HK3: variants seen among roughly 807,000 people sequenced by gnomAD.
HK3 encodes hexokinase-3.
In HK3, 93 loss-of-function variants were observed where a neutral mutation model predicts 91.0. The observed-to-expected ratio is 1.02, with a 90% CI of 0.86 to 1.21. HK3 has a LOEUF of 1.21. Ranked by LOEUF, HK3 falls within the 50% of genes most tolerant of loss-of-function variation. The pLI is 0.00. For synonymous variants in HK3, 519 were observed against 516.9 expected (o/e 1.00, Z -0.06); for missense variants, 1,235 against 1,247.4 (o/e 0.99, Z 0.15).
Position 176,896,192 on chromosome 5 carries a change from G to C in HK3, c.-26-7C>G, listed in dbSNP as rs1464029242. On this transcript the variant is annotated splice_polypyrimidine_tract_variant and splice_region_variant and intron_variant, in intron 1 of 18. Transcript: ENST00000292432. ...CACAGTGGAAGGTGGCCACCTATGG[G>C]AGAAAAGGGACAACCTGGGTCAACC... The C allele has an allele frequency of 6.6e-7, 1 of 1,509,256 alleles. No homozygotes were observed. Among genetic ancestry groups the C allele is most frequent in the Non-Finnish European group, 9.0e-7 (1 of 1,107,866 alleles). The allele number at this position is 1,509,256 out of a possible 1,614,324, so 93.5% of individuals were successfully genotyped here.
intron 15 of HK3, among the ~76,000 whole-genome samples, chr5:176,883,048 A>C (rs1758486216): frequency 6.6e-6 from 1 of 151,930 alleles, no homozygotes; most frequent in African/African-American, 2.4e-5. Context: ...TTCAAGTTCC[A>C]CTCATCCTGG....
rs769617458 is a variant in HK3 at position 176,881,653 on chromosome 5, A to T, written c.2393+39T>A. ...GCAATCCCCCACAGTGGACAGAAAG[A>T]CCCCCTGAAGTGGGGGAGGCAATGT... On this transcript the variant is annotated intron_variant, in intron 17 of 18. Transcript: ENST00000292432. The T allele has an allele frequency of 5.6e-6, 9 of 1,609,302 alleles. No homozygotes were observed. The East Asian group carries it at 2.0e-4, about 36-fold the overall frequency.
intron 2 of HK3, among the ~76,000 whole-genome samples, chr5:176,895,394 C>T (rs555977618): frequency 6.6e-6 from 1 of 152,284 alleles, no homozygotes; most frequent in South Asian, 2.1e-4. Context: ...AGTCCTTTAT[C>T]TCCATTAGCC....
chr5:176,896,424 T>G (rs796476181), intron 1 of HK3, among the ~76,000 whole-genome samples: 1 of 152,244 alleles, frequency 6.6e-6, no homozygotes, highest in African/African-American at 2.4e-5. Context: ...CATTCGTTAA[T>G]TCTGTCATTC....
intron 15 of HK3, 149 bp downstream of exon 15, chr5:176,883,621 C>A (rs1758500023): frequency 1.6e-6 from 1 of 631,348 alleles, no homozygotes. Flanking sequence ...CTCCAAACTG[C>A]CAGCCCAAGA....
Position 176,887,086 on chromosome 5 carries a change from G to C in HK3, c.1773C>G (p.Phe591Leu). 1 of 1,614,242 alleles carries C rather than the reference G, an allele frequency of 6.2e-7. No individual in the cohort carries two copies. Among genetic ancestry groups the C allele is most frequent in the South Asian group, 1.1e-5 (1 of 91,088 alleles). ...FDHIVDCIVDFQQKQGLSGQS... is the reference protein window; with the variant it reads ...FDHIVDCIVDLQQKQGLSGQS... ...GCCCGCTCAGGCCCTGCTTCTGCTG[G>C]AAGTCCACGATGCAGTCCACGATGT... The change falls in exon 13 of 19, where the codon TTC becomes TTG. Residue 591 changes from phenylalanine (F) to leucine (L), a missense_variant. Transcript: ENST00000292432. This position sits in a 1 kb window ranked among gnomAD's most constrained non-coding sequence, Gnocchi z 4.9.
intron 2 of HK3, among the ~76,000 whole-genome samples, chr5:176,892,280 AAG>A (rs1446375850): frequency 3.9e-5 from 6 of 152,196 alleles, no homozygotes; most frequent in African/African-American, 1.4e-4. Context: ...CCAGGGTAGA[AAG>A]AGGTATTTTT....
rs573384087 is a variant in HK3, at chr5:176,881,869, C to T, written c.2238-22G>A. On this transcript the variant is annotated intron_variant, in intron 16 of 18. Coordinates refer to ENST00000292432, the MANE Select transcript of HK3 (RefSeq NM_002115.3). ...AAACCTGCATGAACATGTGTGCACT[C>T]GGCAGAAGGCCCCACCAGCCACCAT... 210 of 1,612,814 alleles carry T rather than the reference C, an allele frequency of 1.3e-4. 1 individual carries two copies. The South Asian group carries it at 2.0e-3, about 15-fold the overall frequency.
chr5:176,889,222 C>T (rs540322130), intron 8 of HK3, among the ~76,000 whole-genome samples, 159 bp downstream of exon 8: 1 of 152,210 alleles, frequency 6.6e-6, no homozygotes, highest in Non-Finnish European at 1.5e-5. Flanking sequence ...TGGGCCCTTC[C>T]TTCTTTGAAC....
rs1465218866 is a variant in HK3 at position 176,890,621 on chromosome 5, C to A, written c.630+14G>T. On this transcript the variant is annotated intron_variant, in intron 6 of 18. Transcript: ENST00000292432. ...AACATGGGCAGCCCTCCTGTCACCCCTCCCTCCACTCACCCCCTGCCTCCG... is the reference window on the plus strand; with the variant it reads ...AACATGGGCAGCCCTCCTGTCACCCATCCCTCCACTCACCCCCTGCCTCCG... 2 of 1,612,374 alleles carry A rather than the reference C, an allele frequency of 1.2e-6. No individual in the cohort carries two copies. Among genetic ancestry groups the A allele is most frequent in the South Asian group, 2.2e-5 (2 of 91,030 alleles).
chr5:176,896,912 G>A (rs1758921521), intron 1 of HK3, among the ~76,000 whole-genome samples: 1 of 146,834 alleles, frequency 6.8e-6, no homozygotes, highest in Non-Finnish European at 1.5e-5. Flanking sequence ...CTGGGGAAAT[G>A]CTTTATGAGA....
chr5:176,882,500 T>G (rs920493192), intron 15 of HK3, among the ~76,000 whole-genome samples: 51 of 152,192 alleles, frequency 3.4e-4, no homozygotes, highest in African/African-American at 1.1e-3. Context: ...TGCCAGGCCC[T>G]TAATCCAACT....
At chr5:176,885,965 G>A (rs1460170303) in intron 13 of HK3, among the ~76,000 whole-genome samples, 1 of 151,946 alleles carries the variant, frequency 6.6e-6, no homozygotes, top group Non-Finnish European at 1.5e-5. Context: ...GGTGGAGTGC[G>A]GTGGCTCACG....
chr5:176,885,804 A>C (rs2149374274), intron 13 of HK3, among the ~76,000 whole-genome samples: 1 of 151,312 alleles, frequency 6.6e-6, no homozygotes, highest in South Asian at 2.1e-4. Flanking sequence ...TTGCACATGG[A>C]GTCTCACCTG....
At position 176,887,273 on chromosome 5, in the gene HK3, CACACGTACCAGGAGG is replaced by C; in HGVS notation, c.1650_1664del (p.Leu551_Val555del). On this transcript the variant is annotated inframe_deletion, in exon 12 of 19. Coordinates refer to ENST00000292432, the MANE Select transcript of HK3 (RefSeq NM_002115.3). This position sits in a 1 kb window ranked among gnomAD's most constrained non-coding sequence, Gnocchi z 4.9. ...CGCTGGTGATCTGCACGCCTGTGGT[CACACGTACCAGGAGG>C]ACACGGAAGTTCGTGCCCCCGAGGT... 1 of 1,613,710 alleles carries C rather than the reference CACACGTACCAGGAGG, an allele frequency of 6.2e-7. No homozygotes were observed. The highest frequency in any genetic ancestry group is 8.5e-7 in the Non-Finnish European group (1 of 1,179,916).
intron 15 of HK3, 105 bp from the exon 16 acceptor site, chr5:176,882,232 C>T (rs1476773674): frequency 3.4e-6 from 4 of 1,171,396 alleles, no homozygotes; most frequent in Middle Eastern, 2.6e-4. Context: ...ACTCTCTCTA[C>T]CTCTCATGCT....
intron 2 of HK3, among the ~76,000 whole-genome samples, chr5:176,894,807 C>T (rs1292345828): frequency 1.0e-4 from 15 of 146,874 alleles, no homozygotes; most frequent in Non-Finnish European, 3.0e-5. Flanking sequence ...GACAGAGTCT[C>T]GCTCTGTCAC....
rs1224675159 is a variant in HK3 at position 176,882,089 on chromosome 5, TC to T, written c.2091del (p.Asn698MetfsTer53). The T allele has an allele frequency of 6.2e-7, 1 of 1,613,056 alleles. No individual in the cohort carries two copies. The highest frequency in any genetic ancestry group is 2.2e-5 in the East Asian group (1 of 44,878). On this transcript the variant is annotated frameshift_variant, in exon 16 of 19. Coordinates refer to ENST00000292432, the MANE Select transcript of HK3 (RefSeq NM_002115.3). LOFTEE classifies it high-confidence loss of function. ...GAGTCCCCAGGCACGCCCGCCACAT[TC>T]CGGAGCTCCTCCATGTAGCAGGCAT... ...GTNACYMEEL[R>X]NVAGVPGDSG... is the part of the protein sequence containing the mutation.
Position 176,890,803 on chromosome 5 carries a change from C to T in HK3, c.534+19G>A, listed in dbSNP as rs1758744832. The T allele has an allele frequency of 6.2e-7, 1 of 1,614,214 alleles. No individual in the cohort carries two copies. Among genetic ancestry groups the T allele is most frequent in the Non-Finnish European group, 8.5e-7 (1 of 1,180,044 alleles). ...TGCAGCCACCCTCTACCCAGCGTCC[C>T]ATGTCCACTCCACCTCACCCTGTCC... On this transcript the variant is annotated intron_variant, in intron 5 of 18. Transcript: ENST00000292432.
Sources: gnomAD v4.1 joint callset for allele counts (sites outside exome capture counted in the v4.1 genomes callset) on GRCh38, gnomAD v4.1.1 for gene constraint, Gnocchi (gnomAD v3.1) non-coding constraint, MANE v1.5 for transcripts, NCBI Gene and HGNC (gene_info 2026-07-23, HGNC 2026-07-21) for gene names.